Variants in TECPR2 observed in about 807,000 individuals in gnomAD.
TECPR2 encodes the protein tectonin beta-propeller repeat-containing protein 2.
In TECPR2, 65 loss-of-function variants were observed where a neutral mutation model predicts 138.1. That is an observed-to-expected ratio of 0.47 (90% CI 0.39 to 0.58). The LOEUF (loss-of-function observed/expected upper bound fraction) is 0.58, where lower values mean the gene tolerates loss of function less well. TECPR2 is among the 20% of genes least tolerant of loss of function. TECPR2 has a pLI of 0.00. For synonymous variants in TECPR2, 746 were observed against 749.8 expected (o/e 0.99, Z 0.08); for missense variants, 1,553 against 1,824.5 (o/e 0.85, Z 2.71).
chr14:102,435,302 A>G (rs1317548577), intron 9 of TECPR2, 91 bp downstream of exon 9: 14 of 1,484,590 alleles, frequency 9.4e-6, no homozygotes, highest in Middle Eastern at 5.1e-4. Flanking sequence ...TCTCATGGAA[A>G]GAAATTCTAT....
At chr14:102,497,492 G>A (rs928143888) in intron 18 of TECPR2, 78 bp from the exon 19 acceptor site, 40 of 1,410,802 alleles carry the variant, frequency 2.8e-5, no homozygotes, top group South Asian at 8.3e-5. Flanking sequence ...GGTGTGCAGC[G>A]TCACAAGAGT....
At position 102,425,105 on chromosome 14, in the gene TECPR2, T is replaced by A. The variant is rs1195214835; in HGVS notation, c.765T>A (p.Phe255Leu). The change falls in exon 6 of 20, where the codon TTT (phenylalanine) becomes TTA (leucine). Residue 255 changes from phenylalanine to leucine, a missense_variant. Phe to Leu is a conservative substitution (Grantham distance 22). Transcript: ENST00000359520. Reference sequence around the variant, plus strand: ...TCCACGGGACTGTTCAAGCCACGTTTATCTTAAAAGATGCTTTTGCCGGGG... The same window carrying A: ...TCCACGGGACTGTTCAAGCCACGTTAATCTTAAAAGATGCTTTTGCCGGGG... ...ADVHGTVQAT[F>L]ILKDAFAGGV... The A allele has an allele frequency of 1.2e-6, 2 of 1,614,222 alleles. No individual in the cohort carries two copies. Among genetic ancestry groups the A allele is most frequent in the Admixed American group, 3.3e-5 (2 of 60,018 alleles).
At chr14:102,380,033 G>T (rs535152521) in intron 2 of TECPR2, among the ~76,000 whole-genome samples, 5 of 145,354 alleles carry the variant, frequency 3.4e-5, no homozygotes, top group African/African-American at 1.0e-4. Context: ...GTGCACAGAG[G>T]CGTCCTAGTC....
At position 102,433,837 on chromosome 14, in the gene TECPR2, C is replaced by T. The variant is rs190776808; in HGVS notation, c.1418-398C>T. Among the ~76,000 whole-genome samples the T allele has an allele frequency of 1.6e-3, 248 of 152,296 alleles. 3 individuals are homozygous for T. The highest frequency in any genetic ancestry group is 5.7e-3 in the African/African-American group (238 of 41,582). ...CACCGTGCACAGCCCAGATTTCATT[C>T]TTTGTTATGGCTGTGTAACACTGAA... On this transcript the variant is annotated intron_variant, in intron 8 of 19. Transcript: ENST00000359520.
chr14:102,384,675 T>C (rs890288365), intron 2 of TECPR2, among the ~76,000 whole-genome samples: 7 of 117,208 alleles, frequency 6.0e-5, no homozygotes, highest in Admixed American at 2.6e-4. Context: ...AGACACCACC[T>C]CAAAAAAAAA....
At chr14:102,401,604 C>T (rs992769019) in intron 2 of TECPR2, among the ~76,000 whole-genome samples, 3 of 151,056 alleles carry the variant, frequency 2.0e-5, no homozygotes, top group Admixed American at 6.6e-5. Flanking sequence ...ATGATGGAAC[C>T]CTGTCTCTAC....
At chr14:102,461,513 T>C (rs1432993176) in intron 16 of TECPR2, among the ~76,000 whole-genome samples, 1 of 151,972 alleles carries the variant, frequency 6.6e-6, no homozygotes, top group East Asian at 1.9e-4. Flanking sequence ...TTAAAGCATT[T>C]TTTTAAAACA....
intron 1 of TECPR2, among the ~76,000 whole-genome samples, chr14:102,375,341 G>C (rs574647029): frequency 5.6e-4 from 85 of 151,702 alleles, no homozygotes; most frequent in Non-Finnish European, 9.1e-4. Context: ...GTGAGACTGT[G>C]TCTCAAAAAA....
At chr14:102,480,435 A>G (rs1033216283) in intron 17 of TECPR2, among the ~76,000 whole-genome samples, 12 of 152,108 alleles carry the variant, frequency 7.9e-5, no homozygotes, top group Non-Finnish European at 1.6e-4. Context: ...TGTGTTAGCC[A>G]GGATGGTCTC....
intron 16 of TECPR2, among the ~76,000 whole-genome samples, chr14:102,454,686 C>T (rs1293966555): frequency 6.6e-6 from 1 of 152,232 alleles, no homozygotes; most frequent in African/African-American, 2.4e-5. Flanking sequence ...CCTACCCAGA[C>T]TAACTGGAAA....
At chr14:102,392,884 T>C (rs1166715383) in intron 2 of TECPR2, among the ~76,000 whole-genome samples, 2 of 152,218 alleles carry the variant, frequency 1.3e-5, no homozygotes, top group African/African-American at 4.8e-5. Flanking sequence ...TGATGCTGAA[T>C]GGGGCAGGCT....
intron 2 of TECPR2, among the ~76,000 whole-genome samples, chr14:102,378,947 A>G (rs1024710608): frequency 6.6e-6 from 1 of 152,270 alleles, no homozygotes; most frequent in Non-Finnish European, 1.5e-5. Context: ...TTTTTGTATA[A>G]AAATTAGAAC....
intron 16 of TECPR2, among the ~76,000 whole-genome samples, chr14:102,464,499 C>T (rs987590185): frequency 1.3e-5 from 2 of 152,064 alleles, no homozygotes; most frequent in Admixed American, 1.3e-4. Context: ...CCCAACCGAT[C>T]TCAGCCTCCC....
At chr14:102,471,585 C>T (rs918221415) in intron 17 of TECPR2, among the ~76,000 whole-genome samples, 1 of 151,764 alleles carries the variant, frequency 6.6e-6, no homozygotes, top group Admixed American at 6.6e-5. Flanking sequence ...ACCTGTAGTC[C>T]CAGCTACTCA....
chr14:102,481,236 T>C (rs1890887397), intron 17 of TECPR2, among the ~76,000 whole-genome samples: 1 of 151,490 alleles, frequency 6.6e-6, no homozygotes, highest in South Asian at 2.1e-4. Context: ...ACTCCTGATC[T>C]CAGGTGATCT....
intron 4 of TECPR2, among the ~76,000 whole-genome samples, chr14:102,410,272 G>A (rs1464427356): frequency 1.3e-5 from 2 of 151,872 alleles, no homozygotes; most frequent in African/African-American, 4.8e-5. Context: ...TGGCTTAATA[G>A]AAGATGGCTG....
chr14:102,483,799 T>C (rs1481741993), intron 17 of TECPR2, among the ~76,000 whole-genome samples: 3 of 146,634 alleles, frequency 2.0e-5, no homozygotes, highest in Non-Finnish European at 3.0e-5. Context: ...TTCTTTTTTT[T>C]TTTTTTTTTT....
intron 17 of TECPR2, among the ~76,000 whole-genome samples, chr14:102,470,230 G>A (rs1890628217): frequency 6.6e-6 from 1 of 151,882 alleles, no homozygotes; most frequent in East Asian, 1.9e-4. Context: ...ATGTAGCCAT[G>A]TAGGCCTGAA....
chr14:102,378,516 A>G (rs1030512665), intron 2 of TECPR2, among the ~76,000 whole-genome samples: 23 of 152,256 alleles, frequency 1.5e-4, no homozygotes, highest in African/African-American at 5.5e-4. Context: ...TCATTTACTA[A>G]GGAGACAGCT....
Sources: gnomAD v4.1 joint callset for allele counts (sites outside exome capture counted in the v4.1 genomes callset) on GRCh38, gnomAD v4.1.1 for gene constraint, MANE v1.5 for transcripts, NCBI Gene and HGNC (gene_info 2026-07-23, HGNC 2026-07-21) for gene names.